MSR1: variants seen among roughly 807,000 people sequenced by gnomAD.
MSR1 encodes macrophage scavenger receptor types I and II.
A neutral mutation model predicts 47.2 loss-of-function variants in MSR1; 53 were observed. That is an observed-to-expected ratio of 1.12 (90% CI 0.90 to 1.41). The LOEUF (loss-of-function observed/expected upper bound fraction) is 1.41. MSR1 is among the 40% of genes most tolerant of loss of function. The pLI, the probability that MSR1 is intolerant of heterozygous loss-of-function variation, is 0.00. For missense variants in MSR1, 786 were observed against 546.9 expected (o/e 1.44, Z -4.36); for synonymous variants, 239 against 185.6 (o/e 1.29, Z -2.34).
chr8:16,120,742 AT>A, intron 8 of MSR1, 136 bp from the exon 9 acceptor site: 1 of 1,092,184 alleles, frequency 9.2e-7, no homozygotes, highest in Non-Finnish European at 1.3e-6. Context: ...AACTATTGGA[AT>A]AAATATTAAA....
chr8:16,115,844 C>T lies in MSR1; in HGVS notation c.1222+4574G>A, dbSNP rs545864078. Among the ~76,000 whole-genome samples the T allele has an allele frequency of 5.9e-5, 9 of 151,980 alleles. No homozygotes were observed. The South Asian group carries it at 8.3e-4, about 14-fold the overall frequency. ...AATTAAGATTTAAAAAAAAATTAGC[C>T]AGGTATGTGGTGCAGGCCTGTGGTC... is the stretch of plus-strand genomic sequence containing the variant. On this transcript the variant is annotated intron_variant, in intron 9 of 9. Transcript: ENST00000262101.
chr8:16,120,183 C>T (rs545690536), intron 9 of MSR1, among the ~76,000 whole-genome samples: 31 of 151,996 alleles, frequency 2.0e-4, no homozygotes, highest in Non-Finnish European at 4.0e-4. Flanking sequence ...CGAGACCATC[C>T]TGGCTAACAC....
chr8:16,150,590 C>G (rs1800828718), intron 6 of MSR1, among the ~76,000 whole-genome samples: 1 of 151,774 alleles, frequency 6.6e-6, no homozygotes, highest in Admixed American at 6.6e-5. Context: ...GAGTTTTAAC[C>G]AAAAGACTTA....
chr8:16,151,463 T>C (rs1005237515), intron 6 of MSR1, among the ~76,000 whole-genome samples: 5 of 152,276 alleles, frequency 3.3e-5, no homozygotes, highest in African/African-American at 1.2e-4. Flanking sequence ...TGTGACTTGT[T>C]TGTTTAATGA....
intron 8 of MSR1, among the ~76,000 whole-genome samples, chr8:16,138,977 A>G (rs748292877): frequency 1.3e-5 from 2 of 151,850 alleles, no homozygotes; most frequent in Non-Finnish European, 2.9e-5. Context: ...CAGAGACTGG[A>G]CTCTTGTTTT....
At chr8:16,140,565 T>A in intron 8 of MSR1, 1 of 1,042,492 alleles carries the variant, frequency 9.6e-7, no homozygotes, top group South Asian at 3.8e-5. Context: ...AAGTGTTATA[T>A]TGTATGGTAG....
chr8:16,154,154 T>G (rs559656897), intron 6 of MSR1, among the ~76,000 whole-genome samples: 1 of 152,040 alleles, frequency 6.6e-6, no homozygotes, highest in South Asian at 2.1e-4. Flanking sequence ...TGACCAGGGC[T>G]AGTCAATACA....
At chr8:16,112,306 A>T (rs746583890) in intron 9 of MSR1, among the ~76,000 whole-genome samples, 4 of 152,166 alleles carry the variant, frequency 2.6e-5, no homozygotes, top group Non-Finnish European at 4.4e-5. Flanking sequence ...ACCTTGTTAA[A>T]TAATGATAAT....
intron 8 of MSR1, among the ~76,000 whole-genome samples, chr8:16,142,204 T>G (rs555276204): frequency 3.3e-5 from 5 of 152,220 alleles, no homozygotes; most frequent in Admixed American, 3.3e-4. Context: ...GGCATGTGCC[T>G]GTAATCCCAG....
intron 9 of MSR1, among the ~76,000 whole-genome samples, chr8:16,114,906 A>T (rs1799840827): frequency 6.6e-6 from 1 of 152,178 alleles, no homozygotes; most frequent in Admixed American, 6.5e-5. Flanking sequence ...GGCTGGGCAC[A>T]GTGGCTCATG....
chr8:16,181,065 T>C (rs142111291), intron 1 of MSR1, among the ~76,000 whole-genome samples: 35 of 152,210 alleles, frequency 2.3e-4, no homozygotes, highest in African/African-American at 8.2e-4. Flanking sequence ...CTCCCTTTAT[T>C]AGATTTAAAG....
chr8:16,138,063 G>A (rs1800434910), intron 8 of MSR1, among the ~76,000 whole-genome samples: 1 of 150,734 alleles, frequency 6.6e-6, no homozygotes, highest in South Asian at 2.1e-4. Flanking sequence ...CAATGCTTTG[G>A]AAAAAGACTA....
Position 16,168,849 on chromosome 8 carries a change from G to C in MSR1, c.239C>G (p.Thr80Arg). Residue 80 changes from threonine to arginine, a missense_variant, in exon 4 of 10, where the codon ACG (threonine) becomes AGG (arginine). Thr to Arg is a moderately conservative substitution (Grantham distance 71). Transcript: ENST00000262101. ...IVAAQLLKWE[T>R]KNCSVSSTNA... ...AGTTGAACTAACTGAGCAATTCTTC[G>C]TTTCCCACTTCAGGAGTTGAGCTGT... The C allele has an allele frequency of 6.2e-7, 1 of 1,613,190 alleles. No homozygotes were observed. Among genetic ancestry groups the C allele is most frequent in the Non-Finnish European group, 8.5e-7 (1 of 1,179,952 alleles).
At chr8:16,174,458 C>T (rs562718887) in intron 3 of MSR1, among the ~76,000 whole-genome samples, 205 of 152,254 alleles carry the variant, frequency 1.3e-3, no homozygotes, top group African/African-American at 4.8e-3. Context: ...TAAGTGCTTA[C>T]GGTGTATACA....
chr8:16,140,259 G>C (rs1450202481), intron 8 of MSR1: 1 of 982,054 alleles, frequency 1.0e-6, no homozygotes, highest in Admixed American at 6.2e-5. Context: ...CTGTGCAATA[G>C]AACAAGGCTC....
chr8:16,146,617 T>G (rs1160517140), intron 7 of MSR1, among the ~76,000 whole-genome samples: 1 of 152,114 alleles, frequency 6.6e-6, no homozygotes, highest in African/African-American at 2.4e-5. Context: ...TTGACCACCT[T>G]TGAAACTCTG....
chr8:16,163,718 G>A (rs1792998630), intron 5 of MSR1, among the ~76,000 whole-genome samples: 1 of 151,692 alleles, frequency 6.6e-6, no homozygotes, highest in African/African-American at 2.4e-5. Flanking sequence ...AAGACTGGAA[G>A]TTTTGGAAAA....
At chr8:16,156,456 G>C (rs1355772016) in intron 5 of MSR1, among the ~76,000 whole-genome samples, 1 of 151,764 alleles carries the variant, frequency 6.6e-6, no homozygotes, top group Non-Finnish European at 1.5e-5. Flanking sequence ...TATTCCTCTG[G>C]TATGTCCCAT....
At chr8:16,172,122 C>G (rs1801504065) in intron 3 of MSR1, among the ~76,000 whole-genome samples, 1 of 152,128 alleles carries the variant, frequency 6.6e-6, no homozygotes, top group South Asian at 2.1e-4. Context: ...CATATGAACA[C>G]AGTCATCTCT....
Sources: gnomAD v4.1 joint callset for allele counts (sites outside exome capture counted in the v4.1 genomes callset) on GRCh38, gnomAD v4.1.1 for gene constraint, MANE v1.5 for transcripts, NCBI Gene and HGNC (gene_info 2026-07-23, HGNC 2026-07-21) for gene names.